PDE10A: variants seen among roughly 807,000 people sequenced by gnomAD.
PDE10A encodes cAMP and cAMP-inhibited cGMP 3',5'-cyclic phosphodiesterase 10A.
In PDE10A, 39 loss-of-function variants were observed where a neutral mutation model predicts 97.7. The ratio of observed to expected loss-of-function variants is 0.40; its 90% confidence interval spans 0.31 to 0.52. PDE10A has a LOEUF of 0.52. PDE10A is among the 20% of genes least tolerant of loss of function. The probability of loss-of-function intolerance (pLI) is 0.56; values close to 1 mark genes in which losing one functional copy is unlikely to be tolerated. For synonymous variants in PDE10A, 371 were observed against 376.8 expected (o/e 0.98, Z 0.18); for missense variants, 731 against 1,047.8 (o/e 0.70, Z 4.17).
chr6:165,663,300 C>T (rs1218679403), upstream of PDE10A, among the ~76,000 whole-genome samples: 6 of 152,016 alleles, frequency 3.9e-5, no homozygotes, highest in Non-Finnish European at 8.8e-5. Context: ...GCCCACGTAG[C>T]GCGCCCCGCG....
chr6:165,979,305 A>G (rs1209612360), intron 1 of PDE10A, among the ~76,000 whole-genome samples: 4 of 152,208 alleles, frequency 2.6e-5, no homozygotes, highest in African/African-American at 9.6e-5. Context: ...TGGCCCAGGT[A>G]TGAAGCAGAA....
At position 165,478,937 on chromosome 6, in the gene PDE10A, T is replaced by C. The variant is rs999435200; in HGVS notation, c.1023+3378A>G. Among the ~76,000 whole-genome samples, 16 of 152,308 alleles carry C rather than the reference T, an allele frequency of 1.1e-4. No individual in the cohort carries two copies. The South Asian group carries it at 3.3e-3, about 32-fold the overall frequency. On this transcript the variant is annotated intron_variant, in intron 3 of 21. Coordinates refer to ENST00000539869, the MANE Select transcript of PDE10A (RefSeq NM_001385079.1). ...TGACCTGGATGCTACCTGGCCCCCA[T>C]GCTTCCAGCTGTCCTACCTTTCCAG...
chr6:165,885,346 G>A (rs1037326483), intron 1 of PDE10A, among the ~76,000 whole-genome samples: 1 of 152,210 alleles, frequency 6.6e-6, no homozygotes, highest in Non-Finnish European at 1.5e-5. Context: ...AGAAGCGAGA[G>A]AGAAGCAAAG....
intron 1 of PDE10A, among the ~76,000 whole-genome samples, chr6:165,927,546 G>A (rs1472260090): frequency 6.6e-6 from 1 of 150,758 alleles, no homozygotes; most frequent in Admixed American, 6.6e-5. Context: ...TATTTTATGT[G>A]TTGGTCTGTG....
At chr6:165,731,985 G>A (rs997634289) in intron 1 of PDE10A, among the ~76,000 whole-genome samples, 12 of 152,100 alleles carry the variant, frequency 7.9e-5, no homozygotes, top group Non-Finnish European at 1.5e-4. Context: ...GAATATTAGC[G>A]TTCTTTTATA....
rs534636151 is a variant in PDE10A, at chr6:165,919,052, T to A, written c.-615+68477A>T. Among the ~76,000 whole-genome samples, 8 of 152,254 alleles carry A rather than the reference T, an allele frequency of 5.3e-5. No homozygotes were observed. In the South Asian group the frequency reaches 1.7e-3, roughly 32 times the overall value. ...AGCTGATTCTATTCTTGAATAAACA[T>A]AGAGAAGATAAAGGAGGTCCTGAAT... On this transcript the variant is annotated intron_variant, in intron 1 of 19. Transcript: ENST00000366882.
chr6:165,794,182 A>G (rs1421256672), intron 1 of PDE10A, among the ~76,000 whole-genome samples: 1 of 150,754 alleles, frequency 6.6e-6, no homozygotes, highest in Admixed American at 6.6e-5. Context: ...ACTCCCTCCC[A>G]CACTCACGCA....
At chr6:165,429,435 A>G (rs1320220027) in intron 9 of PDE10A, among the ~76,000 whole-genome samples, 1 of 152,108 alleles carries the variant, frequency 6.6e-6, no homozygotes, top group African/African-American at 2.4e-5. Flanking sequence ...TTTCAGTCCC[A>G]TACTTCTTTA....
At chr6:165,794,612 CACAT>C (rs1778780104) in intron 1 of PDE10A, among the ~76,000 whole-genome samples, 1 of 152,084 alleles carries the variant, frequency 6.6e-6, no homozygotes, top group African/African-American at 2.4e-5. Context: ...CTCATACACT[CACAT>C]ACACATGTAT....
intron 3 of PDE10A, among the ~76,000 whole-genome samples, chr6:165,466,235 AG>A (rs1348599682): frequency 1.3e-5 from 2 of 152,230 alleles, no homozygotes; most frequent in East Asian, 3.9e-4. Context: ...CAAGATGAAA[AG>A]GGCTTTTCAC....
chr6:165,944,973 C>T (rs1399426688), intron 1 of PDE10A, among the ~76,000 whole-genome samples: 1 of 152,212 alleles, frequency 6.6e-6, no homozygotes, highest in East Asian at 1.9e-4. Context: ...TGGCAATGAC[C>T]TTGGGTGTGG....
chr6:165,923,930 C>A (rs1782838930), intron 1 of PDE10A, among the ~76,000 whole-genome samples: 1 of 152,136 alleles, frequency 6.6e-6, no homozygotes, highest in South Asian at 2.1e-4. Context: ...CCTGTAATCC[C>A]AACACATTGG....
At chr6:165,607,121 A>T (rs969064525) in intron 1 of PDE10A, among the ~76,000 whole-genome samples, 1 of 152,236 alleles carries the variant, frequency 6.6e-6, no homozygotes, top group Non-Finnish European at 1.5e-5. Flanking sequence ...AAAAGAACGT[A>T]TTGAACTTTA....
intron 1 of PDE10A, among the ~76,000 whole-genome samples, chr6:165,829,504 G>C (rs966893022): frequency 6.6e-6 from 1 of 152,240 alleles, no homozygotes; most frequent in African/African-American, 2.4e-5. Context: ...GATGTACTAA[G>C]ATGAGGCCCC....
intron 1 of PDE10A, among the ~76,000 whole-genome samples, chr6:165,931,782 C>A (rs1783143914): frequency 6.6e-6 from 1 of 152,184 alleles, no homozygotes; most frequent in South Asian, 2.1e-4. Flanking sequence ...GGGGCTGTCT[C>A]CCGACAGTCA....
At chr6:165,691,103 C>CTT (rs1791266222) in intron 1 of PDE10A, among the ~76,000 whole-genome samples, 1 of 41,696 alleles carries the variant, frequency 2.4e-5, no homozygotes, top group African/African-American at 8.4e-5. Context: ...CTCTCTTTCT[C>CTT]TCTCCCCCCC....
intron 13 of PDE10A, among the ~76,000 whole-genome samples, chr6:165,397,358 T>C (rs768255124): frequency 2.0e-5 from 3 of 152,160 alleles, no homozygotes; most frequent in South Asian, 2.1e-4. Flanking sequence ...ATTTTTAAAA[T>C]AACATTTTCT....
chr6:165,978,203 T>C (rs1417268971), intron 1 of PDE10A, among the ~76,000 whole-genome samples: 2 of 152,228 alleles, frequency 1.3e-5, no homozygotes, highest in African/African-American at 4.8e-5. Flanking sequence ...CTAAGCTGTT[T>C]AGCTCAGAAA....
At chr6:165,863,501 A>G (rs889617366) in intron 1 of PDE10A, among the ~76,000 whole-genome samples, 1 of 152,234 alleles carries the variant, frequency 6.6e-6, no homozygotes, top group Non-Finnish European at 1.5e-5. Flanking sequence ...TCCGAGCCCA[A>G]TTTGAAGCAA....
Sources: allele counts gnomAD v4.1 joint callset (sites outside exome capture counted in the v4.1 genomes callset), GRCh38; gene constraint gnomAD v4.1.1; transcripts MANE v1.5; gene names NCBI Gene and HGNC (gene_info 2026-07-23, HGNC 2026-07-21).